Variants in SASH1 observed in about 807,000 individuals in gnomAD.
SASH1 encodes the protein SAM and SH3 domain-containing protein 1.
Under a neutral mutation model 125.2 loss-of-function variants are expected in SASH1, and 44 were observed. The ratio of observed to expected loss-of-function variants is 0.35; its 90% CI spans 0.28 to 0.45. The LOEUF is 0.45. Among genes scored for constraint, SASH1 ranks in the 20% least tolerant of loss-of-function variants. The pLI is 1.00. For missense variants in SASH1, 1,426 were observed against 1,614.5 expected (o/e 0.88, Z 2.00); for synonymous variants, 639 against 649.1 (o/e 0.98, Z 0.24).
In SASH1 at chr6:148,421,217, A is replaced by AAAGAAAGAAAG. The variant is rs1562396981; in HGVS notation, c.286-18966_286-18965insAGAAAGAAAGA. On this transcript the variant is annotated intron_variant, in intron 2 of 19. Coordinates refer to ENST00000367467, the MANE Select transcript of SASH1 (RefSeq NM_015278.5). Reference sequence around the variant, plus strand: ...AGAAAGAAAGAAAGAAAGAAAGAAAAAGAAAGAAAGAAGGAAGTGACTATG... The same window carrying AAAGAAAGAAAG: ...AGAAAGAAAGAAAGAAAGAAAGAAAAAAGAAAGAAAGAGAAAGAAAGAAGGAAGTGACTATG... Among the ~76,000 whole-genome samples, 5 of 146,856 alleles carry AAAGAAAGAAAG rather than the reference A, an allele frequency of 3.4e-5. 1 individual carries two copies. The highest frequency in any genetic ancestry group is 6.1e-5 in the Non-Finnish European group (4 of 65,604).
At chr6:148,283,738 C>A (rs1044783894) in intron 1 of SASH1, among the ~76,000 whole-genome samples, 3 of 152,024 alleles carry the variant, frequency 2.0e-5, no homozygotes, top group African/African-American at 7.3e-5. Flanking sequence ...CGCACCACTA[C>A]ACCCCAGCCT....
At position 148,387,628 on chromosome 6, in the gene SASH1, C is replaced by CCT. The variant is rs1783489470; in HGVS notation, c.157-2506_157-2505insCT. 8.9e-5 allele frequency among the ~76,000 whole-genome samples: 3 copies of CCT among 33,854 alleles called. 1 individual carries two copies. Among genetic ancestry groups the CCT allele is most frequent in the African/African-American group, 3.1e-4 (3 of 9,790 alleles). The allele number at this position is 33,854 out of a possible 152,430, so 22.2% of individuals were successfully genotyped here. A position where few individuals can be genotyped will look rare whatever the true frequency, so the allele number is the denominator to read the frequency against. On this transcript the variant is annotated intron_variant, in intron 1 of 19. Transcript: ENST00000367467. ...TCTTTCTTTCTTTCTTTCTTTCTTT[C>CCT]TTTCTTTCTTTCTTTCTTTCTTTCT...
intron 1 of SASH1, among the ~76,000 whole-genome samples, chr6:148,295,339 ATC>A (rs1562310696): frequency 2.6e-5 from 4 of 152,112 alleles, no homozygotes; most frequent in African/African-American, 7.2e-5. Flanking sequence ...TGCATACTTT[ATC>A]TCTCTCTCTT....
chr6:148,314,842 T>C (rs1780439841), intron 1 of SASH1, among the ~76,000 whole-genome samples: 1 of 151,306 alleles, frequency 6.6e-6, no homozygotes, highest in Admixed American at 6.6e-5. Flanking sequence ...CTGCAACCTC[T>C]GCCTCCTGGG....
At chr6:148,510,670 G>T (rs1780062648) in intron 8 of SASH1, among the ~76,000 whole-genome samples, 1 of 151,800 alleles carries the variant, frequency 6.6e-6, no homozygotes, top group Admixed American at 6.6e-5. Context: ...AAATTCTCAA[G>T]CCCCCATCCC....
chr6:148,223,732 CTT>C, the SASH1 span, among the ~76,000 whole-genome samples: 1 of 152,286 alleles, frequency 6.6e-6, no homozygotes, highest in Middle Eastern at 3.4e-3. Flanking sequence ...AAAAAATAGA[CTT>C]AGCCTACTTT....
At position 148,533,971 on chromosome 6, in the gene SASH1, T is replaced by A. The variant is rs1781686573; in HGVS notation, c.1935T>A (p.Ile645=). The change falls in exon 15 of 20, where the codon ATT becomes ATA. Residue 645 remains isoleucine, a synonymous_variant. Coordinates refer to ENST00000367467, the MANE Select transcript of SASH1 (RefSeq NM_015278.5). The surrounding 1 kb of genome is among the most constrained non-coding windows in gnomAD (Gnocchi z 6.2). Reference sequence around the variant, plus strand: ...CTGTGGAGGATCTCCTGGATCGGATTAACCTAAAAGTCAGTCGCTTCTGAT... The same window carrying A: ...CTGTGGAGGATCTCCTGGATCGGATAAACCTAAAAGTCAGTCGCTTCTGAT... The part of the protein sequence containing the change: ...PKSVEDLLDR[I]NLKEHMPTFL... 1 of 1,613,764 alleles carries A rather than the reference T, an allele frequency of 6.2e-7. No homozygotes were observed. The highest frequency in any genetic ancestry group is 1.7e-5 in the Admixed American group (1 of 59,990).
At chr6:148,474,509 A>C (rs547221486) in intron 7 of SASH1, among the ~76,000 whole-genome samples, 3 of 152,344 alleles carry the variant, frequency 2.0e-5, no homozygotes, top group South Asian at 4.1e-4. Context: ...AAAAGAATGT[A>C]ATCAGTAGTA....
At chr6:148,431,569 A>C (rs1161822168) in intron 2 of SASH1, among the ~76,000 whole-genome samples, 1 of 152,090 alleles carries the variant, frequency 6.6e-6, no homozygotes, top group African/African-American at 2.4e-5. Context: ...GAGAAGTCAG[A>C]CAAGAGTGGA....
chr6:148,424,672 C>T (rs899100079), intron 2 of SASH1, among the ~76,000 whole-genome samples: 6 of 152,148 alleles, frequency 3.9e-5, no homozygotes, highest in Admixed American at 3.3e-4. Context: ...AGTCCAGCCT[C>T]CTCTTAACTT....
At chr6:148,213,943 C>A in the SASH1 span, among the ~76,000 whole-genome samples, 4,239 of 152,160 alleles carry the variant, frequency 0.028, 176 homozygotes, top group African/African-American at 0.097. Flanking sequence ...TCTTTTATAT[C>A]TCTGCTTGAT....
At chr6:148,304,152 A>G (rs571139398) in intron 1 of SASH1, among the ~76,000 whole-genome samples, 29 of 151,828 alleles carry the variant, frequency 1.9e-4, no homozygotes, top group African/African-American at 6.5e-4. Context: ...AAAATACAAA[A>G]AAATGGCTGG....
intron 2 of SASH1, among the ~76,000 whole-genome samples, chr6:148,428,992 A>G (rs1775942997): frequency 6.6e-6 from 1 of 152,170 alleles, no homozygotes; most frequent in Admixed American, 6.6e-5. Flanking sequence ...GAAATGAGAC[A>G]TGAAAAGCTG....
At chr6:148,303,025 G>A (rs548447487) in intron 1 of SASH1, among the ~76,000 whole-genome samples, 1 of 152,066 alleles carries the variant, frequency 6.6e-6, no homozygotes, top group Non-Finnish European at 1.5e-5. Context: ...TTGTTGCTCA[G>A]GCTGGAGTGC....
At chr6:148,460,577 C>T (rs1777569398) in intron 4 of SASH1, among the ~76,000 whole-genome samples, 1 of 152,194 alleles carries the variant, frequency 6.6e-6, no homozygotes, top group South Asian at 2.1e-4. Flanking sequence ...GGACTCAAGC[C>T]ATTTCCCTTG....
chr6:148,420,698 T>C (rs1785021844), intron 2 of SASH1, among the ~76,000 whole-genome samples: 1 of 152,214 alleles, frequency 6.6e-6, no homozygotes, highest in South Asian at 2.1e-4. Context: ...TTTTTAATCG[T>C]TATGTACCCT....
At chr6:148,431,726 A>G (rs907769760) in intron 2 of SASH1, among the ~76,000 whole-genome samples, 1 of 151,870 alleles carries the variant, frequency 6.6e-6, no homozygotes, top group Admixed American at 6.6e-5. Flanking sequence ...GCCAGGACTG[A>G]AAGGTTAAAC....
chr6:148,209,678 T>G, the SASH1 span, among the ~76,000 whole-genome samples: 2 of 152,190 alleles, frequency 1.3e-5, no homozygotes, highest in African/African-American at 4.8e-5. Context: ...CCAGCATCCA[T>G]GTACTCTCTG....
In SASH1 at chr6:148,474,092, T is replaced by G. The variant is rs1216019746; in HGVS notation, c.515-18T>G. On this transcript the variant is annotated intron_variant, in intron 6 of 19. Transcript: ENST00000367467. Reference sequence around the variant, plus strand: ...ATTCTTGTTTTCACTCCTGTTGTTCTTTGTCCTCAATCTCCAGGAGAAGAC... The same window carrying G: ...ATTCTTGTTTTCACTCCTGTTGTTCGTTGTCCTCAATCTCCAGGAGAAGAC... 8 of 1,543,574 alleles carry G rather than the reference T, an allele frequency of 5.2e-6. No homozygotes were observed. The African/African-American group carries it at 8.2e-5, about 16-fold the overall frequency.
Sources: gnomAD v4.1 joint callset for allele counts (sites outside exome capture counted in the v4.1 genomes callset) on GRCh38, gnomAD v4.1.1 for gene constraint, Gnocchi (gnomAD v3.1) non-coding constraint, MANE v1.5 for transcripts, NCBI Gene and HGNC (gene_info 2026-07-23, HGNC 2026-07-21) for gene names.